THRAP3: variants seen among roughly 807,000 people sequenced by gnomAD.
The protein encoded by THRAP3 is thyroid hormone receptor associated protein 3, also known as thyroid hormone receptor-associated protein 3.
In THRAP3, 16 loss-of-function variants were observed where a neutral mutation model predicts 101.0. The ratio of observed to expected loss-of-function variants is 0.16; its 90% confidence interval spans 0.11 to 0.24. THRAP3 has a LOEUF of 0.24. Ranked by LOEUF, THRAP3 falls within the 10% of genes least tolerant of loss-of-function variation. THRAP3 has a pLI of 1.00. For missense variants in THRAP3, 989 were observed against 1,202.7 expected, an observed-to-expected ratio of 0.82 and a Z score of 2.63; for synonymous variants, 407 against 422.6, an observed-to-expected ratio of 0.96 and a Z score of 0.45.
Position 36,300,915 on chromosome 1 carries a change from G to T in THRAP3, c.2333G>T (p.Arg778Ile), listed in dbSNP as rs140247865. 1.2e-6 allele frequency: 2 copies of T among 1,613,708 alleles called. No homozygotes were observed. The highest frequency in any genetic ancestry group is 1.7e-6 in the Non-Finnish European group (2 of 1,179,944). ...CATCGGAGAGCAAGAGACAGGTCCA[G>T]ATCCTCCTCCTCTTCCTCCCAGTCA... ...KKHRRARDRSRSSSSSSQSSH... is the reference protein window; with the variant it reads ...KKHRRARDRSISSSSSSQSSH... The change falls in exon 10 of 12, where the codon AGA becomes ATA. Residue 778 changes from arginine (R) to isoleucine (I), a missense_variant. Physicochemically the swap from Arg to Ile is moderately conservative, Grantham distance 97. Coordinates refer to ENST00000354618, the MANE Select transcript of THRAP3 (RefSeq NM_005119.4).
intron 1 of THRAP3, among the ~76,000 whole-genome samples, chr1:36,242,321 T>C (rs530805057): frequency 6.6e-6 from 1 of 152,190 alleles, no homozygotes; most frequent in African/African-American, 2.4e-5. Context: ...CTGGCTAATT[T>C]TCTTTATATT....
intron 1 of THRAP3, among the ~76,000 whole-genome samples, chr1:36,228,258 C>T (rs867671884): frequency 0.024 from 3,692 of 151,896 alleles, 147 homozygotes; most frequent in African/African-American, 0.084. Context: ...TCTCTTGTCA[C>T]CCAGGCTGGA....
At chr1:36,291,352 C>A (rs190134139) in intron 5 of THRAP3, 22 bp from the exon 6 acceptor site, 1 of 1,609,366 alleles carries the variant, frequency 6.2e-7, no homozygotes, top group Admixed American at 1.7e-5. Context: ...TCTAATTGGG[C>A]CTCCCCATAT....
chr1:36,235,191 A>G (rs188913776), intron 1 of THRAP3, among the ~76,000 whole-genome samples: 19 of 152,320 alleles, frequency 1.2e-4, no homozygotes, highest in Non-Finnish European at 1.8e-4. Flanking sequence ...GATTAACCCA[A>G]TGACAGGCAC....
At chr1:36,266,122 C>G (rs962782588) in intron 2 of THRAP3, among the ~76,000 whole-genome samples, 11 of 148,226 alleles carry the variant, frequency 7.4e-5, no homozygotes, top group African/African-American at 1.5e-4. Context: ...CCACTGCACT[C>G]TAGCCTTGGT....
chr1:36,291,622 G>A (rs952248243), intron 6 of THRAP3, 76 bp downstream of exon 6: 71 of 1,523,840 alleles, frequency 4.7e-5, no homozygotes, highest in Non-Finnish European at 6.4e-5. Flanking sequence ...TGGATAAGGA[G>A]TTTTGGGGGA....
chr1:36,222,974 G>A (rs1472209873), upstream of THRAP3, among the ~76,000 whole-genome samples: 1 of 151,976 alleles, frequency 6.6e-6, no homozygotes, highest in Admixed American at 6.6e-5. Flanking sequence ...ACAAAAAGTA[G>A]AAAAATTAGC....
At position 36,305,311 on chromosome 1, in the gene THRAP3, GT is replaced by G. The variant is rs1646089765; in HGVS notation, c.*1297del. The G allele has an allele frequency of 5.2e-6, 1 of 192,654 alleles. No individual in the cohort carries two copies. Among genetic ancestry groups the G allele is most frequent in the Non-Finnish European group, 1.1e-5 (1 of 92,080 alleles). 11.9% of individuals were successfully genotyped at this position (192,654 alleles called of 1,614,324 possible). ...AAAATGAAAATCTCCCTTAAAATTT[GT>G]TTCAACTCCTCCTGCAAATAAAATA... On this transcript the variant is annotated 3_prime_UTR_variant, in exon 12 of 12. Coordinates refer to ENST00000354618, the MANE Select transcript of THRAP3 (RefSeq NM_005119.4).
Position 36,287,237 on chromosome 1 carries a change from G to A in THRAP3, c.1007G>A (p.Ser336Asn), listed in dbSNP as rs1459604930. Reference sequence around the variant, plus strand: ...TATGGCTCATCTCAGAAGGAGGAGAGTGCTGCTTCAGGAGGAGCAGCCTAT... The same window carrying A: ...TATGGCTCATCTCAGAAGGAGGAGAATGCTGCTTCAGGAGGAGCAGCCTAT... ...STYGSSQKEE[S>N]AASGGAAYTK... Residue 336 changes from serine to asparagine, a missense_variant, in exon 4 of 12, where the codon AGT (serine) becomes AAT (asparagine). Transcript: ENST00000354618. The A allele has an allele frequency of 5.6e-6, 9 of 1,612,896 alleles. No homozygotes were observed. Among genetic ancestry groups the A allele is most frequent in the African/African-American group, 2.7e-5 (2 of 74,914 alleles).
intron 1 of THRAP3, among the ~76,000 whole-genome samples, chr1:36,241,474 G>A (rs1645160593): frequency 6.8e-6 from 1 of 147,086 alleles, no homozygotes; most frequent in African/African-American, 2.5e-5. Context: ...TCCAGGTCAT[G>A]TTTACCAGCA....
At chr1:36,255,544 G>A (rs374100492) in intron 1 of THRAP3, among the ~76,000 whole-genome samples, 170 of 152,114 alleles carry the variant, frequency 1.1e-3, no homozygotes, top group Non-Finnish European at 2.2e-3. Context: ...TGAGGTGGGC[G>A]GATCATTTGA....
At chr1:36,218,445 A>G in the THRAP3 span, among the ~76,000 whole-genome samples, 20,732 of 143,020 alleles carry the variant, frequency 0.14, 1,806 homozygotes, top group African/African-American at 0.23. Flanking sequence ...AGCCAGGCGC[A>G]GTTGCTCACG....
At chr1:36,209,435 T>G in the THRAP3 span, among the ~76,000 whole-genome samples, 1 of 152,212 alleles carries the variant, frequency 6.6e-6, no homozygotes, top group African/African-American at 2.4e-5. Context: ...GCAGCATCCC[T>G]GGCCTCAATA....
chr1:36,281,510 G>T (rs1645730955), intron 2 of THRAP3, among the ~76,000 whole-genome samples: 1 of 151,420 alleles, frequency 6.6e-6, no homozygotes, highest in Admixed American at 6.6e-5. Context: ...GTCTGTTTGG[G>T]ATTTGTACTA....
At chr1:36,291,867 C>G (rs1033758622) in intron 6 of THRAP3, among the ~76,000 whole-genome samples, 5 of 152,208 alleles carry the variant, frequency 3.3e-5, no homozygotes, top group African/African-American at 1.2e-4. Flanking sequence ...TAAGTGATCT[C>G]TTATGGACCT....
intron 1 of THRAP3, among the ~76,000 whole-genome samples, chr1:36,228,293 CT>C (rs1644985675): frequency 6.6e-6 from 1 of 152,092 alleles, no homozygotes. Flanking sequence ...TCTCGGCTCA[CT>C]GCTACCTCTG....
chr1:36,229,342 C>T (rs1004907018), intron 1 of THRAP3, among the ~76,000 whole-genome samples: 7 of 151,172 alleles, frequency 4.6e-5, no homozygotes, highest in Non-Finnish European at 7.4e-5. Context: ...GTGATCTGCC[C>T]GCCTCAGCCT....
intron 2 of THRAP3, among the ~76,000 whole-genome samples, chr1:36,266,298 C>T (rs1393335924): frequency 6.6e-6 from 1 of 152,084 alleles, no homozygotes; most frequent in Non-Finnish European, 1.5e-5. Flanking sequence ...TGCACTCCAG[C>T]CTGGGCAACA....
intron 3 of THRAP3, 127 bp downstream of exon 3, chr1:36,282,827 T>C (rs1436330709): frequency 1.2e-5 from 12 of 996,276 alleles, no homozygotes; most frequent in Non-Finnish European, 1.8e-5. Flanking sequence ...AGGTGCAGGG[T>C]TGGGCTATAA....
Sources: gnomAD v4.1 joint callset for allele counts (sites outside exome capture counted in the v4.1 genomes callset) on GRCh38, gnomAD v4.1.1 for gene constraint, MANE v1.5 for transcripts, NCBI Gene and HGNC (gene_info 2026-07-23, HGNC 2026-07-21) for gene names.